The following WASHC5 variants were observed in gnomAD, a reference collection of about 807,000 sequenced individuals.
WASHC5 encodes the protein WASH complex subunit strumpellin.
In WASHC5, 101 loss-of-function variants were observed where a neutral mutation model predicts 150.4. The observed-to-expected ratio is 0.67, with a 90% CI of 0.57 to 0.79. WASHC5 has a LOEUF of 0.79. Among genes scored for constraint, WASHC5 ranks in the 30% least tolerant of loss-of-function variants. The pLI, the probability that WASHC5 is intolerant of heterozygous loss-of-function variation, is 0.00. For missense variants in WASHC5, 1,195 were observed against 1,396.3 expected, an observed-to-expected ratio of 0.86 and a Z score of 2.30; for synonymous variants, 467 against 491.2, an observed-to-expected ratio of 0.95 and a Z score of 0.65.
intron 7 of WASHC5, among the ~76,000 whole-genome samples, chr8:125,076,108 T>G (rs1025913804): frequency 6.6e-6 from 1 of 152,186 alleles, no homozygotes; most frequent in Non-Finnish European, 1.5e-5. Flanking sequence ...TAATAAATGA[T>G]TTAATCTTGA....
chr8:125,081,729 T>G lies in WASHC5; in HGVS notation c.450A>C (p.Leu150=), dbSNP rs778468473. 6.2e-7 allele frequency: 1 copy of G among 1,612,092 alleles called. No individual in the cohort carries two copies. The highest frequency in any genetic ancestry group is 8.5e-7 in the Non-Finnish European group (1 of 1,178,238). ...CTTCAATCTTTTGGTCAATGACCAG[T>G]AGCATAACTCCATATAAGTACAGTG... ...CEALYLYGVM[L]LVIDQKIEGE... The change falls in exon 5 of 29, where the codon CTA becomes CTC. Residue 150 remains leucine, a synonymous_variant. Coordinates refer to ENST00000318410, the MANE Select transcript of WASHC5 (RefSeq NM_014846.4).
At chr8:125,067,888 T>C (rs1484955691) in intron 9 of WASHC5, among the ~76,000 whole-genome samples, 169 bp from the exon 10 acceptor site, 1 of 152,254 alleles carries the variant, frequency 6.6e-6, no homozygotes, top group African/African-American at 2.4e-5. Context: ...TGGAGTACAA[T>C]TAAACTGTTA....
In WASHC5 at chr8:125,059,434, C is replaced by A. The variant is rs1259540528; in HGVS notation, c.1630G>T (p.Val544Phe). Residue 544 changes from valine to phenylalanine, a missense_variant, in exon 13 of 29, where the codon GTT becomes TTT. By Grantham distance (50) the Val-to-Phe change is conservative. Transcript: ENST00000318410. Reference protein sequence around the residue: ...MIRTINIKEEVLITMQIVGDL... With the variant: ...MIRTINIKEEFLITMQIVGDL... ...CCAACGATCTGCATTGTGATCAGAACCTCCTCTTTAATGTTAATGGTTCTG... is the reference window on the plus strand; with the variant it reads ...CCAACGATCTGCATTGTGATCAGAAACTCCTCTTTAATGTTAATGGTTCTG... 21 of 1,614,038 alleles carry A rather than the reference C, an allele frequency of 1.3e-5. No homozygotes were observed. The highest frequency in any genetic ancestry group is 1.8e-5 in the Non-Finnish European group (21 of 1,180,022).
At chr8:125,073,415 A>G in intron 8 of WASHC5, 91 bp from the exon 9 acceptor site, 1 of 1,053,644 alleles carries the variant, frequency 9.5e-7, no homozygotes, top group Non-Finnish European at 1.4e-6. Flanking sequence ...AAATAGTAAC[A>G]TTTCTATATA....
intron 27 of WASHC5, among the ~76,000 whole-genome samples, chr8:125,031,177 A>G (rs1815524545): frequency 6.6e-6 from 1 of 152,210 alleles, no homozygotes; most frequent in Admixed American, 6.5e-5. Flanking sequence ...CCTAGAGCTC[A>G]TTCATGCACT....
At chr8:125,044,139 A>C (rs773860077) in intron 21 of WASHC5, 45 bp from the exon 22 acceptor site, 56 of 1,288,474 alleles carry the variant, frequency 4.3e-5, no homozygotes, top group African/African-American at 5.8e-5. Context: ...ATAATGAATT[A>C]AACAAGCAAA....
chr8:125,091,580 C>CA (rs981289236), intron 1 of WASHC5, 35 bp downstream of exon 1: 2 of 152,416 alleles, frequency 1.3e-5, no homozygotes, highest in African/African-American at 4.8e-5. Context: ...GGGGGCCATG[C>CA]AAAAATGGGG....
Position 125,043,852 on chromosome 8 carries a change from C to A in WASHC5, c.2823G>T (p.Trp941Cys). 2 of 1,612,410 alleles carry A rather than the reference C, an allele frequency of 1.2e-6. No individual in the cohort carries two copies. The highest frequency in any genetic ancestry group is 1.1e-5 in the South Asian group (1 of 91,036). The part of the protein sequence containing the change: ...FSAIAKTQKI[W>C]TAYLEAIMKV... ...TCATTATAGCCTCGAGATACGCAGTCCAAATCTTCTGTGTTTTGGCAATGG... is the reference window on the plus strand; with the variant it reads ...TCATTATAGCCTCGAGATACGCAGTACAAATCTTCTGTGTTTTGGCAATGG... The change falls in exon 23 of 29, where the codon TGG (tryptophan) becomes TGT (cysteine). Residue 941 changes from tryptophan (W) to cysteine (C), a missense_variant. By Grantham distance (215) the Trp-to-Cys change is radical (BLOSUM62 -2). Around this residue, in one of 3 missense-constraint regions of WASHC5, gnomAD observed 997 missense variants for 1,168.1 expected, o/e 0.85. Transcript: ENST00000318410.
intron 18 of WASHC5, among the ~76,000 whole-genome samples, chr8:125,049,535 A>C (rs112458450): frequency 0.13 from 20,042 of 150,690 alleles, 3,171 homozygotes; most frequent in African/African-American, 0.4. Context: ...CCAGCCTGGG[A>C]GACAGAGCAA....
chr8:125,090,028 C>A (rs987505881), intron 1 of WASHC5, among the ~76,000 whole-genome samples: 7 of 152,160 alleles, frequency 4.6e-5, no homozygotes, highest in Non-Finnish European at 1.0e-4. Flanking sequence ...CCATGAAGGG[C>A]ACTTGTGTTT....
In WASHC5 at chr8:125,070,281, T is replaced by C. The variant is rs566903282; in HGVS notation, c.1151-2562A>G. On this transcript the variant is annotated intron_variant, in intron 9 of 28. Transcript: ENST00000318410. The stretch of plus-strand genomic sequence containing the variant: ...AATTCCACAAAAGTTAACTAAGCAG[T>C]TGCTTTTCCCATGTGTGACTCACAA... 2.0e-5 allele frequency among the ~76,000 whole-genome samples: 3 copies of C among 152,368 alleles called. No homozygotes were observed. The South Asian group carries it at 6.2e-4, about 32-fold the overall frequency.
Position 125,081,586 on chromosome 8 carries a change from A to G in WASHC5, c.518+75T>C, listed in dbSNP as rs913867870. ...TTCTTGGATTACTGCTGTTCACAGTATAAGGAATATGGGGACATACACTGC... is the reference window on the plus strand; with the variant it reads ...TTCTTGGATTACTGCTGTTCACAGTGTAAGGAATATGGGGACATACACTGC... On this transcript the variant is annotated intron_variant, in intron 5 of 28. Transcript: ENST00000318410. 12 of 845,112 alleles carry G rather than the reference A, an allele frequency of 1.4e-5. No individual in the cohort carries two copies. The African/African-American group carries it at 1.7e-4, about 12-fold the overall frequency. 52.4% of individuals were successfully genotyped at this position (845,112 alleles called of 1,614,324 possible).
At chr8:125,037,782 G>C (rs1815759933) in intron 25 of WASHC5, among the ~76,000 whole-genome samples, 1 of 152,276 alleles carries the variant, frequency 6.6e-6, no homozygotes, top group South Asian at 2.1e-4. Context: ...ATGTAGCAGC[G>C]AGTGGTGGTA....
chr8:125,072,107 G>A (rs907696931), intron 9 of WASHC5, among the ~76,000 whole-genome samples: 2 of 151,954 alleles, frequency 1.3e-5, no homozygotes, highest in Non-Finnish European at 2.9e-5. Flanking sequence ...TTGGGAGGCC[G>A]AGGTGGGCAG....
chr8:125,049,260 CT>C, intron 18 of WASHC5, 75 bp from the exon 19 acceptor site: 1 of 1,510,664 alleles, frequency 6.6e-7, no homozygotes, highest in Middle Eastern at 1.7e-4. Context: ...TCTAACTAGA[CT>C]TTAAATAGTA....
chr8:125,058,749 A>G (rs1816495323), intron 14 of WASHC5, among the ~76,000 whole-genome samples: 1 of 152,074 alleles, frequency 6.6e-6, no homozygotes, highest in Non-Finnish European at 1.5e-5. Context: ...AGAAGAAGAC[A>G]CTGAGTAGAC....
Position 125,081,823 on chromosome 8 carries a change from C to T in WASHC5, c.418-62G>A, listed in dbSNP as rs186164183. 4.4e-3 allele frequency: 4,235 copies of T among 973,536 alleles called. 28 individuals carry two copies. Among genetic ancestry groups the T allele is most frequent in the Admixed American group, 0.012 (727 of 58,350 alleles). The allele number at this position is 973,536 out of a possible 1,614,324, so 60.3% of individuals were successfully genotyped here. On this transcript the variant is annotated intron_variant, in intron 4 of 28. Coordinates refer to ENST00000318410, the MANE Select transcript of WASHC5 (RefSeq NM_014846.4). ...ATTATACATTCTTAGGGAGTAAAGTCGGTAATCATGAAAAATATTGCTTTG... is the reference window on the plus strand; with the variant it reads ...ATTATACATTCTTAGGGAGTAAAGTTGGTAATCATGAAAAATATTGCTTTG...
chr8:125,088,245 G>A (rs1817476595), intron 1 of WASHC5, among the ~76,000 whole-genome samples: 1 of 151,640 alleles, frequency 6.6e-6, no homozygotes, highest in Non-Finnish European at 1.5e-5. Context: ...GGAGAGCCGG[G>A]ATCACCCCGG....
intron 6 of WASHC5, among the ~76,000 whole-genome samples, chr8:125,076,764 C>G (rs1418795410): frequency 2.3e-5 from 3 of 128,336 alleles, no homozygotes; most frequent in Non-Finnish European, 4.6e-5. Context: ...AAAAAAAAGT[C>G]CCATTCCTGT....
Sources: allele counts gnomAD v4.1 joint callset (sites outside exome capture counted in the v4.1 genomes callset), GRCh38; gene constraint gnomAD v4.1.1; regional missense constraint gnomAD v4.1.1; transcripts MANE v1.5; gene names NCBI Gene and HGNC (gene_info 2026-07-23, HGNC 2026-07-21).